HLA-DPA1: variants seen among roughly 807,000 people sequenced by gnomAD.
HLA-DPA1 encodes major histocompatibility complex, class II, DP alpha 1.
In HLA-DPA1, 20 loss-of-function variants were observed where a neutral mutation model predicts 21.5. That is an observed-to-expected ratio of 0.93 (90% CI 0.66 to 1.35). The LOEUF is 1.35. HLA-DPA1 is among the 40% of genes most tolerant of loss of function. The pLI, the probability that HLA-DPA1 is intolerant of heterozygous loss-of-function variation, is 0.00. For synonymous variants in HLA-DPA1, 123 were observed against 129.6 expected, an observed-to-expected ratio of 0.95 and a Z score of 0.35; for missense variants, 279 against 323.0, an observed-to-expected ratio of 0.86 and a Z score of 1.05.
chr6:33,071,011 C>T (rs1210579421), intron 2 of HLA-DPA1, among the ~76,000 whole-genome samples: 1 of 152,140 alleles, frequency 6.6e-6, no homozygotes, highest in Admixed American at 6.5e-5. Flanking sequence ...ATGTGAAAGT[C>T]TGGGTTTAGA....
chr6:33,079,832 C>A, intron 1 of HLA-DPA1: 1 of 420,736 alleles, frequency 2.4e-6, no homozygotes, highest in Non-Finnish European at 4.6e-6. Context: ...AACCCCAGTA[C>A]CAGGGTGCAC....
chr6:33,068,548 A>C (rs1762076260), intron 5 of HLA-DPA1, 90 bp downstream of exon 4: 1 of 1,056,622 alleles, frequency 9.5e-7, no homozygotes, highest in Non-Finnish European at 1.4e-6. Context: ...CTTTTAACCC[A>C]TTAGAAGATC....
chr6:33,068,509 CGGTGT>C (rs1762073509), intron 5 of HLA-DPA1, 124 bp downstream of exon 4: 2 of 691,840 alleles, frequency 2.9e-6, no homozygotes, highest in Admixed American at 5.5e-5. Context: ...AGTTAGTTAT[CGGTGT>C]TGTTGTTGTT....
Position 33,073,457 on chromosome 6 carries a change from T to TC in HLA-DPA1, c.100+13dup. On this transcript the variant is annotated intron_variant, in intron 2 of 5. Transcript: ENST00000419277. Reference sequence around the variant, plus strand: ...CACTCACCCCGACGCTCCTGCGTCCTCCTGAGCACTCACCCTTGATGGCCC... The same window carrying TC: ...CACTCACCCCGACGCTCCTGCGTCCTCCCTGAGCACTCACCCTTGATGGCCC... The TC allele has an allele frequency of 6.3e-7, 1 of 1,582,272 alleles. No individual in the cohort carries two copies. Among genetic ancestry groups the TC allele is most frequent in the East Asian group, 2.2e-5 (1 of 44,720 alleles).
intron 2 of HLA-DPA1, 38 bp from the exon 2 acceptor site, chr6:33,069,924 C>A: frequency 5.0e-6 from 8 of 1,584,478 alleles, no homozygotes; most frequent in South Asian, 1.1e-5. Flanking sequence ...GACAAAATGT[C>A]AGTTTGAATA....
rs557106160 is a variant in HLA-DPA1, at chr6:33,073,014, C to A, written c.100+457G>T. ...GCTCGGAGTTCCTGTAAAGCAGCCA[C>A]AAAAGATAGAGGCTGGGGATCCCAG... On this transcript the variant is annotated intron_variant, in intron 2 of 5. Coordinates refer to ENST00000419277, the Ensembl canonical transcript of HLA-DPA1. 3.9e-5 allele frequency among the ~76,000 whole-genome samples: 6 copies of A among 152,264 alleles called. No homozygotes were observed. In the South Asian group the frequency reaches 1.2e-3, roughly 32 times the overall value.
chr6:33,066,868 T>C (rs1295485670), intron 5 of HLA-DPA1: 2 of 152,244 alleles, frequency 1.3e-5, no homozygotes, highest in African/African-American at 2.4e-5. Context: ...AGCATATTTC[T>C]TTATGCACAT....
Position 33,080,571 on chromosome 6 carries a change from G to A in HLA-DPA1, c.-100+109C>T, listed in dbSNP as rs17221059. ...ACTCCTATTTTAAAATCCAGCCCTG[G>A]GTGGGAAGATTTGGGAAGAATCGTT... On this transcript the variant is annotated intron_variant, in intron 1 of 5. Transcript: ENST00000419277. The surrounding 1 kb of genome is among the most constrained non-coding windows in gnomAD (Gnocchi z 4.3). The A allele has an allele frequency of 0.13, 204,897 of 1,547,240 alleles. 21,142 individuals are homozygous for A. Among genetic ancestry groups the A allele is most frequent in the African/African-American group, 0.54 (39,562 of 72,694 alleles).
chr6:33,069,631 T>G lies in HLA-DPA1; in HGVS notation c.346+10A>C, dbSNP rs368373459. On this transcript the variant is annotated intron_variant, in intron 3 of 5. Transcript: ENST00000419277. Reference sequence around the variant, plus strand: ...TGGGCTACAGAGGAAGAGGCAAAGATAGGGCGTACCGTTGGTGGCCTGAGT... The same window carrying G: ...TGGGCTACAGAGGAAGAGGCAAAGAGAGGGCGTACCGTTGGTGGCCTGAGT... The G allele has an allele frequency of 1.9e-6, 3 of 1,611,554 alleles. No individual in the cohort carries two copies. In the African/African-American group the frequency reaches 4.0e-5, roughly 22 times the overall value.
chr6:33,070,197 C>T (rs977083440), intron 2 of HLA-DPA1, among the ~76,000 whole-genome samples: 2 of 152,162 alleles, frequency 1.3e-5, no homozygotes, highest in African/African-American at 4.8e-5. Context: ...TGACAGCTAA[C>T]ATTTGTTGAG....
chr6:33,068,902 G>A (rs1762103847), intron 4 of HLA-DPA1, 98 bp from the exon 4 acceptor site: 1 of 1,538,102 alleles, frequency 6.5e-7, no homozygotes, highest in Non-Finnish European at 8.9e-7. Flanking sequence ...CAGTTAATTG[G>A]ATGTTAGGAC....
chr6:33,073,922 A>G (rs1208884096), intron 1 of HLA-DPA1: 13 of 233,948 alleles, frequency 5.6e-5, no homozygotes, highest in Admixed American at 4.7e-4. Context: ...CCTTCTCCCG[A>G]GCCCCACCCC....
exon 4 of HLA-DPA1, chr6:33,069,234 C>G: frequency 6.2e-7 from 1 of 1,613,002 alleles, no homozygotes; most frequent in Non-Finnish European, 8.5e-7. Context: ...GTCAATGTGG[C>G]AGATGAGGGT....
intron 2 of HLA-DPA1, among the ~76,000 whole-genome samples, chr6:33,072,206 T>G (rs1583097838): frequency 1.3e-5 from 2 of 152,182 alleles, no homozygotes; most frequent in African/African-American, 4.8e-5. Context: ...CCCACTGAAT[T>G]TGACCTTCTG....
intron 5 of HLA-DPA1, chr6:33,067,347 A>G (rs760818705): frequency 1.4e-5 from 2 of 148,112 alleles, no homozygotes; most frequent in South Asian, 4.4e-4. Context: ...TTCTCACTCT[A>G]TTAGTGCACA....
intron 5 of HLA-DPA1, chr6:33,066,952 G>C (rs1761987211): frequency 6.6e-6 from 1 of 151,974 alleles, no homozygotes; most frequent in Admixed American, 6.6e-5. Context: ...GACAATTAGA[G>C]TACTGACAAA....
chr6:33,067,368 T>C (rs1762014813), intron 5 of HLA-DPA1: 1 of 132,960 alleles, frequency 7.5e-6, no homozygotes, highest in Admixed American at 7.1e-5. Context: ...TGAAACCTGG[T>C]TGTTAAAAAG....
At chr6:33,078,936 G>C (rs1461293033) in intron 1 of HLA-DPA1, among the ~76,000 whole-genome samples, 2 of 152,200 alleles carry the variant, frequency 1.3e-5, no homozygotes, top group African/African-American at 4.8e-5. Context: ...CTGGACTCAA[G>C]GAGCTGGGGG....
Position 33,069,002 on chromosome 6 carries a change from G to T in HLA-DPA1, c.628+17C>A. ...AGAGGATGCCAGGAGATTATGGAGA[G>T]AAAAGCAGTTGCATACCCCAGTGCT... On this transcript the variant is annotated intron_variant, in intron 4 of 5. Transcript: ENST00000419277. 6.2e-7 allele frequency: 1 copy of T among 1,610,890 alleles called. No homozygotes were observed. Among genetic ancestry groups the T allele is most frequent in the Non-Finnish European group, 8.5e-7 (1 of 1,178,392 alleles).
Sources: gnomAD v4.1 joint callset for allele counts (sites outside exome capture counted in the v4.1 genomes callset) on GRCh38, gnomAD v4.1.1 for gene constraint, Gnocchi (gnomAD v3.1) non-coding constraint, MANE v1.5 for transcripts, NCBI Gene and HGNC (gene_info 2026-07-23, HGNC 2026-07-21) for gene names.